Variants in CUL3 observed in about 807,000 individuals in gnomAD.
The protein encoded by CUL3 is cullin-3.
CUL3 carries 19 observed loss-of-function variants against 89.1 expected under a neutral mutation model. That is an observed-to-expected ratio of 0.21 (90% CI 0.15 to 0.31). CUL3 has a LOEUF of 0.31. Ranked by LOEUF, CUL3 falls within the 10% of genes least tolerant of loss-of-function variation. CUL3 has a pLI of 1.00. For synonymous variants in CUL3, 351 were observed against 308.4 expected (o/e 1.14, Z -1.45); for missense variants, 469 against 942.3 (o/e 0.50, Z 6.58).
chr2:224,556,119 A>G (rs1285976684), intron 2 of CUL3, among the ~76,000 whole-genome samples: 1 of 152,148 alleles, frequency 6.6e-6, no homozygotes, highest in East Asian at 1.9e-4. Flanking sequence ...TTACAGAAGA[A>G]AGAGCAGAAA....
At chr2:224,500,627 CTTTTTTTTTTT>C in intron 10 of CUL3, 140 bp from the exon 11 acceptor site, 1 of 395,680 alleles carries the variant, frequency 2.5e-6, no homozygotes, top group South Asian at 4.8e-5. Flanking sequence ...ATTTTCTTTT[CTTTTTTTTTTT>C]TTTTTTGAGA....
At chr2:224,578,364 A>G (rs1695358357) in intron 1 of CUL3, among the ~76,000 whole-genome samples, 1 of 152,168 alleles carries the variant, frequency 6.6e-6, no homozygotes, top group Non-Finnish European at 1.5e-5. Flanking sequence ...TGATTATCTT[A>G]CCTTAATTTT....
At chr2:224,567,060 G>A (rs1470491820) in intron 1 of CUL3, among the ~76,000 whole-genome samples, 2 of 152,164 alleles carry the variant, frequency 1.3e-5, no homozygotes, top group South Asian at 4.1e-4. Context: ...CAGGTTCACT[G>A]GGGGCACGTC....
intron 15 of CUL3, among the ~76,000 whole-genome samples, chr2:224,476,800 A>C (rs1274816552): frequency 4.6e-5 from 7 of 152,208 alleles, no homozygotes; most frequent in South Asian, 2.1e-4. Flanking sequence ...TATTCATAGG[A>C]TATAAACATG....
chr2:224,479,236 TAC>T (rs1691440391), intron 14 of CUL3: 2 of 152,304 alleles, frequency 1.3e-5, no homozygotes, highest in South Asian at 4.1e-4. Context: ...CAGCAGATTG[TAC>T]AATTTAGAAG....
At chr2:224,580,931 GAATGA>G (rs1695421136) in intron 1 of CUL3, among the ~76,000 whole-genome samples, 4 of 151,428 alleles carry the variant, frequency 2.6e-5, no homozygotes, top group Admixed American at 2.6e-4. Flanking sequence ...CTAGGCTGGG[GAATGA>G]AAGAAATGGG....
intron 3 of CUL3, among the ~76,000 whole-genome samples, chr2:224,530,111 C>A (rs561640549): frequency 6.6e-6 from 1 of 151,950 alleles, no homozygotes; most frequent in Non-Finnish European, 1.5e-5. Context: ...TGGTGGCAGG[C>A]GCCTGTAGTC....
chr2:224,547,817 G>A (rs1694361041), intron 2 of CUL3, among the ~76,000 whole-genome samples: 1 of 151,960 alleles, frequency 6.6e-6, no homozygotes, highest in Non-Finnish European at 1.5e-5. Context: ...CACTCCAAAA[G>A]CTTTATTATA....
At chr2:224,551,971 C>T (rs1443637200) in intron 2 of CUL3, among the ~76,000 whole-genome samples, 1 of 152,094 alleles carries the variant, frequency 6.6e-6, no homozygotes, top group Non-Finnish European at 1.5e-5. Flanking sequence ...TCACTGTGTC[C>T]TTTCTTGATT....
intron 13 of CUL3, among the ~76,000 whole-genome samples, chr2:224,488,889 C>CAGCA (rs1355664649): frequency 2.0e-5 from 3 of 152,168 alleles, no homozygotes; most frequent in Non-Finnish European, 4.4e-5. Context: ...CCGAATCCAG[C>CAGCA]AGCACATCAA....
intron 1 of CUL3, among the ~76,000 whole-genome samples, chr2:224,574,677 A>G (rs575020040): frequency 1.3e-5 from 2 of 152,222 alleles, no homozygotes; most frequent in Admixed American, 6.5e-5. Context: ...ACTGCCCTAC[A>G]TGAAACAGAA....
At chr2:224,558,149 C>T (rs1404104990) in intron 1 of CUL3, among the ~76,000 whole-genome samples, 3 of 152,052 alleles carry the variant, frequency 2.0e-5, no homozygotes, top group Non-Finnish European at 4.4e-5. Flanking sequence ...ATTTATATAC[C>T]CGTAAGTCAC....
chr2:224,554,681 A>G (rs1473828363), intron 2 of CUL3, among the ~76,000 whole-genome samples: 1 of 152,238 alleles, frequency 6.6e-6, no homozygotes, highest in East Asian at 1.9e-4. Flanking sequence ...AACATGTAAA[A>G]GCACTAGAAC....
At chr2:224,514,903 T>C (rs751833427) in intron 3 of CUL3, 131 bp from the exon 4 acceptor site, 1 of 616,868 alleles carries the variant, frequency 1.6e-6, no homozygotes, top group Non-Finnish European at 2.6e-6. Flanking sequence ...CTTCAAATGA[T>C]CTTAAGCAAT....
intron 1 of CUL3, among the ~76,000 whole-genome samples, chr2:224,576,512 C>A (rs1011182342): frequency 2.6e-5 from 4 of 152,134 alleles, no homozygotes; most frequent in African/African-American, 9.7e-5. Context: ...GCATCATTTG[C>A]GCTGACTCAC....
At chr2:224,501,481 C>T (rs1692386557) in intron 10 of CUL3, among the ~76,000 whole-genome samples, 1 of 152,172 alleles carries the variant, frequency 6.6e-6, no homozygotes, top group South Asian at 2.1e-4. Flanking sequence ...AATATTATTT[C>T]TATTATTGAT....
chr2:224,534,802 G>A (rs1169647337), intron 3 of CUL3, among the ~76,000 whole-genome samples: 3 of 151,508 alleles, frequency 2.0e-5, no homozygotes, highest in Non-Finnish European at 2.9e-5. Flanking sequence ...CTAATGTGGT[G>A]AAACCCCGTC....
At chr2:224,528,158 A>G (rs1288557916) in intron 3 of CUL3, among the ~76,000 whole-genome samples, 2 of 152,220 alleles carry the variant, frequency 1.3e-5, no homozygotes, top group Non-Finnish European at 2.9e-5. Context: ...CTTATATTCT[A>G]GAATTCAGAA....
intron 14 of CUL3, 54 bp from the exon 15 acceptor site, chr2:224,478,399 T>C: frequency 6.5e-7 from 1 of 1,548,840 alleles, no homozygotes; most frequent in Admixed American, 1.9e-5. Flanking sequence ...ATTTGGTTTA[T>C]AAGCAAGCTT....
Sources: gnomAD v4.1 joint callset for allele counts (sites outside exome capture counted in the v4.1 genomes callset) on GRCh38, gnomAD v4.1.1 for gene constraint, MANE v1.5 for transcripts, NCBI Gene and HGNC (gene_info 2026-07-23, HGNC 2026-07-21) for gene names.